WDR49: variants seen among roughly 807,000 people sequenced by gnomAD.
WDR49 encodes the protein WD repeat domain 49.
In WDR49, 107 loss-of-function variants were observed where a neutral mutation model predicts 119.5. The observed-to-expected ratio is 0.90, with a 90% CI of 0.77 to 1.05. WDR49 has a LOEUF of 1.05. Among genes scored for constraint, WDR49 ranks in the 50% least tolerant of loss-of-function variants. The probability of loss-of-function intolerance (pLI) is 0.00; values close to 1 mark genes in which losing one functional copy is unlikely to be tolerated. For synonymous variants in WDR49, 425 were observed against 418.8 expected (o/e 1.01, Z -0.18); for missense variants, 1,240 against 1,220.5 (o/e 1.02, Z -0.24).
At position 167,633,604 on chromosome 3, in the gene WDR49, G is replaced by A. The variant is rs78242400; in HGVS notation, c.166-6312C>T. The A allele has an allele frequency of 5.6e-3, 2,308 of 408,820 alleles. 39 individuals carry two copies. Among genetic ancestry groups the A allele is most frequent in the African/African-American group, 0.044 (2,128 of 48,110 alleles). 25.3% of individuals were successfully genotyped at this position (408,820 alleles called of 1,614,324 possible). ...CTTTCAATCTAAAAAATGAACTTGCGTATAGCATCATTTAGTTGCTACAAA... is the reference window on the plus strand; with the variant it reads ...CTTTCAATCTAAAAAATGAACTTGCATATAGCATCATTTAGTTGCTACAAA... On this transcript the variant is annotated intron_variant, in intron 2 of 18. Transcript: ENST00000682715.
intron 13 of WDR49, among the ~76,000 whole-genome samples, chr3:167,529,784 TA>T (rs1752779094): frequency 6.6e-6 from 1 of 152,134 alleles, no homozygotes; most frequent in Non-Finnish European, 1.5e-5. Flanking sequence ...TAAACCCTTA[TA>T]AAACCCCTTT....
intron 8 of WDR49, chr3:167,566,988 G>A (rs1713644544): frequency 1.8e-6 from 1 of 550,540 alleles, no homozygotes; most frequent in Admixed American, 3.1e-5. Context: ...AGGAGGTCAG[G>A]AGAGGTGGGC....
At chr3:167,628,161 T>C (rs1321615189) in intron 2 of WDR49, among the ~76,000 whole-genome samples, 8 of 152,178 alleles carry the variant, frequency 5.3e-5, no homozygotes, top group East Asian at 1.9e-4. Flanking sequence ...TCCCTCTCCC[T>C]TTCCTTGGGC....
intron 2 of WDR49, among the ~76,000 whole-genome samples, chr3:167,638,942 T>A (rs1717746218): frequency 1.3e-5 from 2 of 151,552 alleles, no homozygotes; most frequent in Admixed American, 6.6e-5. Context: ...GAAGCTGAAG[T>A]GGGCAAAAAA....
At chr3:167,603,501 G>T (rs1017454812) in intron 6 of WDR49, among the ~76,000 whole-genome samples, 4 of 152,126 alleles carry the variant, frequency 2.6e-5, no homozygotes, top group Admixed American at 6.6e-5. Flanking sequence ...GGAATTTTAT[G>T]GACACAGCTC....
intron 2 of WDR49, among the ~76,000 whole-genome samples, chr3:167,650,772 T>C (rs1577301953): frequency 6.6e-6 from 1 of 152,214 alleles, no homozygotes; most frequent in East Asian, 1.9e-4. Context: ...TTAGCTCAAT[T>C]ATCTAATGTT....
chr3:167,515,885 T>A (rs1354372655), intron 16 of WDR49, among the ~76,000 whole-genome samples: 1 of 152,012 alleles, frequency 6.6e-6, no homozygotes, highest in African/African-American at 2.4e-5. Flanking sequence ...CCATTAACAA[T>A]CGCTACAGAG....
At chr3:167,581,018 G>A (rs879634005) in intron 7 of WDR49, among the ~76,000 whole-genome samples, 1 of 152,000 alleles carries the variant, frequency 6.6e-6, no homozygotes, top group Non-Finnish European at 1.5e-5. Flanking sequence ...CTGAGAACTT[G>A]TGATATCTGT....
chr3:167,634,381 G>A (rs534718331), intron 2 of WDR49, among the ~76,000 whole-genome samples: 4 of 151,946 alleles, frequency 2.6e-5, no homozygotes, highest in Middle Eastern at 3.4e-3. Flanking sequence ...GTCTACAATT[G>A]TTGTTGCAAG....
intron 5 of WDR49, among the ~76,000 whole-genome samples, chr3:167,606,812 T>A (rs1046009057): frequency 2.6e-5 from 4 of 152,158 alleles, no homozygotes; most frequent in South Asian, 2.1e-4. Flanking sequence ...TTCCTCCTCA[T>A]TATAAGGGTC....
chr3:167,507,195 A>C (rs1337813557), intron 16 of WDR49, among the ~76,000 whole-genome samples: 2 of 152,122 alleles, frequency 1.3e-5, no homozygotes, highest in East Asian at 3.9e-4. Flanking sequence ...GATTTCCTTG[A>C]ATCAGGAGAG....
At chr3:167,558,238 A>C (rs1258942031) in intron 9 of WDR49, among the ~76,000 whole-genome samples, 1 of 152,192 alleles carries the variant, frequency 6.6e-6, no homozygotes, top group Non-Finnish European at 1.5e-5. Flanking sequence ...TCCATTTTAT[A>C]TTTCAAAAAT....
intron 9 of WDR49, among the ~76,000 whole-genome samples, chr3:167,557,292 G>A (rs1048962351): frequency 2.0e-5 from 3 of 152,010 alleles, no homozygotes; most frequent in African/African-American, 7.2e-5. Flanking sequence ...CTTAAAATTT[G>A]GCTTAAAAAT....
chr3:167,524,751 T>G (rs1255634408), intron 15 of WDR49, among the ~76,000 whole-genome samples: 1 of 152,140 alleles, frequency 6.6e-6, no homozygotes, highest in Non-Finnish European at 1.5e-5. Context: ...CTCTGTTCTA[T>G]TCCATTGGTC....
intron 14 of WDR49, among the ~76,000 whole-genome samples, chr3:167,528,718 AAAAT>A (rs1251154262): frequency 1.3e-5 from 2 of 151,898 alleles, no homozygotes; most frequent in Non-Finnish European, 1.5e-5. Flanking sequence ...ATCCTGTCTC[AAAAT>A]AAATAAATAA....
intron 18 of WDR49, among the ~76,000 whole-genome samples, chr3:167,496,831 A>T (rs1385317673): frequency 3.3e-5 from 5 of 152,190 alleles, no homozygotes. Context: ...AATCTGCTTC[A>T]GTCCTCCAGA....
chr3:167,558,266 T>C (rs1321683280), intron 9 of WDR49, among the ~76,000 whole-genome samples: 1 of 152,194 alleles, frequency 6.6e-6, no homozygotes, highest in Non-Finnish European at 1.5e-5. Context: ...TATGCACACA[T>C]TAATTATTCA....
chr3:167,529,181 A>G lies in WDR49; in HGVS notation c.2277T>C (p.Tyr759=), dbSNP rs775848796. 3.7e-6 allele frequency: 6 copies of G among 1,611,558 alleles called. No homozygotes were observed. The South Asian group carries it at 6.6e-5, about 18-fold the overall frequency. ...AAAATTCAGCCAGAAGTTGCTTCTT[A>G]TATATATCCCAAAATCTGACATAAC... ...GSGYVRFWDI[Y]KKQLLAEFLA... The change falls in exon 14 of 19, where the codon TAT becomes TAC. Residue 759 remains tyrosine, a synonymous_variant. Coordinates refer to ENST00000682715, the MANE Select transcript of WDR49 (RefSeq NM_001366157.1).
At chr3:167,632,097 C>T (rs1016724920) in intron 2 of WDR49, among the ~76,000 whole-genome samples, 6 of 151,962 alleles carry the variant, frequency 3.9e-5, no homozygotes, top group African/African-American at 7.2e-5. Context: ...AAAACTAAGG[C>T]AATGTTGATT....
Sources: gnomAD v4.1 joint callset for allele counts (sites outside exome capture counted in the v4.1 genomes callset) on GRCh38, gnomAD v4.1.1 for gene constraint, MANE v1.5 for transcripts, NCBI Gene and HGNC (gene_info 2026-07-23, HGNC 2026-07-21) for gene names.